ZNF469: variants seen among roughly 807,000 people sequenced by gnomAD.
The protein encoded by ZNF469 is zinc finger protein 469.
In ZNF469, 1 loss-of-function variant was observed where a neutral mutation model predicts 1.0. The ratio of observed to expected loss-of-function variants is 1.00; its 90% confidence interval spans 0.35 to 4.73. ZNF469 has a LOEUF of 4.73. Ranked by LOEUF, ZNF469 falls within the 30% of genes most tolerant of loss-of-function variation. ZNF469 has a pLI of 0.16. For missense variants in ZNF469, 6,100 were observed against 5,356.3 expected (o/e 1.14, Z -4.33); for synonymous variants, 2,703 against 2,363.4 (o/e 1.14, Z -4.17).
At chr16:88,120,899 G>A in the ZNF469 span, among the ~76,000 whole-genome samples, 118 of 152,320 alleles carry the variant, frequency 7.7e-4, no homozygotes, top group African/African-American at 2.8e-3. Flanking sequence ...CCGAGGGTGG[G>A]AGGCCGTGTG....
chr16:88,202,018 A>T, the ZNF469 span, among the ~76,000 whole-genome samples: 1 of 151,884 alleles, frequency 6.6e-6, no homozygotes, highest in African/African-American at 2.4e-5. Flanking sequence ...TCCTCCACTA[A>T]CTCGGAGGTT....
At chr16:88,246,365 C>T in the ZNF469 span, among the ~76,000 whole-genome samples, 2,727 of 152,222 alleles carry the variant, frequency 0.018, 78 homozygotes, top group African/African-American at 0.062. Flanking sequence ...GTGTGATAAG[C>T]GTCATAGTGG....
At chr16:88,186,495 C>T in the ZNF469 span, among the ~76,000 whole-genome samples, 1 of 152,190 alleles carries the variant, frequency 6.6e-6, no homozygotes, top group Non-Finnish European at 1.5e-5. Context: ...CTGATCTTGG[C>T]AGGTCGCGTC....
At chr16:88,244,337 G>T in the ZNF469 span, among the ~76,000 whole-genome samples, 3 of 149,044 alleles carry the variant, frequency 2.0e-5, no homozygotes, top group South Asian at 6.6e-4. Flanking sequence ...GGATGAGTGG[G>T]TTAGTGGATG....
chr16:88,185,228 C>T, the ZNF469 span, among the ~76,000 whole-genome samples: 6 of 151,902 alleles, frequency 3.9e-5, no homozygotes, highest in Non-Finnish European at 7.4e-5. Flanking sequence ...CTCACATTCA[C>T]ACACGGGCAC....
At chr16:88,112,077 CTGTT>C in the ZNF469 span, among the ~76,000 whole-genome samples, 2 of 152,110 alleles carry the variant, frequency 1.3e-5, no homozygotes, top group South Asian at 2.1e-4. Context: ...TTTTCTTTAT[CTGTT>C]TGTCTATTGA....
chr16:88,402,039 G>A (rs556126758), intron 1 of ZNF469, among the ~76,000 whole-genome samples: 4 of 150,824 alleles, frequency 2.7e-5, no homozygotes, highest in Admixed American at 2.0e-4. Flanking sequence ...TGGGTAGATG[G>A]ATGGGTGAGT....
chr16:88,369,753 C>T, the ZNF469 span, among the ~76,000 whole-genome samples: 3 of 152,198 alleles, frequency 2.0e-5, no homozygotes, highest in South Asian at 2.1e-4. Flanking sequence ...GCAGGAATAA[C>T]GAGGGGCCAC....
At chr16:88,155,864 A>G in the ZNF469 span, among the ~76,000 whole-genome samples, 4 of 152,132 alleles carry the variant, frequency 2.6e-5, no homozygotes, top group Admixed American at 6.5e-5. Flanking sequence ...TGACGTTCCC[A>G]CTAGCAGTGC....
chr16:88,185,457 C>T, the ZNF469 span, among the ~76,000 whole-genome samples: 1 of 148,276 alleles, frequency 6.7e-6, no homozygotes, highest in Non-Finnish European at 1.5e-5. Context: ...CTTGTGTGCC[C>T]AGACCCACAC....
chr16:88,172,999 T>C, the ZNF469 span, among the ~76,000 whole-genome samples: 3 of 152,314 alleles, frequency 2.0e-5, no homozygotes, highest in South Asian at 6.2e-4. Context: ...ATCGTGTCTG[T>C]GTGTAACTGG....
intron 1 of ZNF469, among the ~76,000 whole-genome samples, chr16:88,410,768 C>T (rs888392384): frequency 6.6e-6 from 1 of 152,154 alleles, no homozygotes; most frequent in Non-Finnish European, 1.5e-5. Flanking sequence ...GTCTATGATG[C>T]TGTTGATGGT....
At chr16:88,264,784 C>T in the ZNF469 span, among the ~76,000 whole-genome samples, 1 of 149,048 alleles carries the variant, frequency 6.7e-6, no homozygotes, top group South Asian at 2.2e-4. Flanking sequence ...TTTGGCGCAA[C>T]CCTAGGCTGC....
the ZNF469 span, among the ~76,000 whole-genome samples, chr16:88,103,458 C>T: frequency 6.6e-6 from 1 of 152,230 alleles, no homozygotes; most frequent in Admixed American, 6.5e-5. Context: ...CACCCGCCCT[C>T]GGGACCGGCG....
rs925620594 is a variant in ZNF469 at position 88,429,181 on chromosome 16, T to C, written c.1711T>C (p.Ser571Pro). The change falls in exon 3 of 3, where the codon TCA (serine) becomes CCA (proline). Residue 571 changes from serine (S) to proline (P), a missense_variant. Physicochemically the swap from Ser to Pro is moderately conservative, Grantham distance 74. Transcript: ENST00000565624. ...CTTCGGGGTGGCCCAGCCCCAGGTT[T>C]CACCCCACGGGACACCCAGCCTGCC... ...LFFGVAQPQVSPHGTPSLPPP... is the reference protein window; with the variant it reads ...LFFGVAQPQVPPHGTPSLPPP... 6.5e-6 allele frequency: 10 copies of C among 1,549,624 alleles called. No homozygotes were observed. Among genetic ancestry groups the C allele is most frequent in the Non-Finnish European group, 8.7e-6 (10 of 1,146,798 alleles).
chr16:88,337,993 A>T, the ZNF469 span, among the ~76,000 whole-genome samples: 1 of 152,066 alleles, frequency 6.6e-6, no homozygotes, highest in Non-Finnish European at 1.5e-5. Context: ...GCTTATGAGG[A>T]TCCACTTTCT....
At chr16:88,183,485 G>A in the ZNF469 span, among the ~76,000 whole-genome samples, 1 of 152,166 alleles carries the variant, frequency 6.6e-6, no homozygotes, top group Non-Finnish European at 1.5e-5. Context: ...GCCACCACAC[G>A]GGTCCCGCGA....
Position 88,427,868 on chromosome 16 carries a change from T to C in ZNF469, c.398T>C (p.Leu133Pro), listed in dbSNP as rs1310278545. 1.9e-6 allele frequency: 3 copies of C among 1,549,458 alleles called. No homozygotes were observed. Among genetic ancestry groups the C allele is most frequent in the East Asian group, 4.9e-5 (2 of 40,896 alleles). ...GIASSRTKPT[L>P]DETPENPQLE... ...GCCAGCTCGAGGACCAAGCCCACCCTGGACGAGACACCAGAGAACCCACAG... is the reference window on the plus strand; with the variant it reads ...GCCAGCTCGAGGACCAAGCCCACCCCGGACGAGACACCAGAGAACCCACAG... The change falls in exon 3 of 3, where the codon CTG becomes CCG. Residue 133 changes from leucine (L) to proline (P), a missense_variant. By Grantham distance (98) the Leu-to-Pro change is moderately conservative. Coordinates refer to ENST00000565624, the MANE Select transcript of ZNF469 (RefSeq NM_001367624.2).
At chr16:88,414,802 C>T (rs1173656336) in intron 1 of ZNF469, among the ~76,000 whole-genome samples, 1 of 152,242 alleles carries the variant, frequency 6.6e-6, no homozygotes, top group East Asian at 1.9e-4. Flanking sequence ...GGCCAGAGGT[C>T]CACGCAGGAC....
Sources: gnomAD v4.1 joint callset for allele counts (sites outside exome capture counted in the v4.1 genomes callset) on GRCh38, gnomAD v4.1.1 for gene constraint, MANE v1.5 for transcripts, NCBI Gene and HGNC (gene_info 2026-07-23, HGNC 2026-07-21) for gene names.